The following GNAQ variants were observed in gnomAD, a reference collection of about 807,000 sequenced individuals.
GNAQ encodes guanine nucleotide-binding protein G(q) subunit alpha.
GNAQ carries 8 observed loss-of-function variants against 43.9 expected under a neutral mutation model. The ratio of observed to expected loss-of-function variants is 0.18; its 90% CI spans 0.11 to 0.33. The LOEUF (loss-of-function observed/expected upper bound fraction) is 0.33. GNAQ is among the 10% of genes least tolerant of loss of function. GNAQ has a pLI of 1.00. For missense variants in GNAQ, 158 were observed against 450.8 expected, an observed-to-expected ratio of 0.35 and a Z score of 5.88; for synonymous variants, 155 against 170.7, an observed-to-expected ratio of 0.91 and a Z score of 0.71.
At chr9:77,783,352 T>C (rs1826426133) in intron 5 of GNAQ, among the ~76,000 whole-genome samples, 1 of 152,248 alleles carries the variant, frequency 6.6e-6, no homozygotes, top group Non-Finnish European at 1.5e-5. Context: ...GTAATGACTG[T>C]ACATTTCTGT....
At chr9:77,938,093 A>G (rs1829259892) in intron 1 of GNAQ, among the ~76,000 whole-genome samples, 1 of 152,144 alleles carries the variant, frequency 6.6e-6, no homozygotes, top group African/African-American at 2.4e-5. Flanking sequence ...ATCTGCATAC[A>G]AACTACACAC....
chr9:77,868,994 AG>A (rs139874576), intron 2 of GNAQ, among the ~76,000 whole-genome samples: 2,468 of 152,060 alleles, frequency 0.016, 76 homozygotes, highest in African/African-American at 0.056. Context: ...CTTGCGGGGG[AG>A]GGGGGAAGAA....
chr9:78,022,410 G>GA (rs1174755449), intron 1 of GNAQ, among the ~76,000 whole-genome samples: 1 of 151,986 alleles, frequency 6.6e-6, no homozygotes, highest in African/African-American at 2.4e-5. Flanking sequence ...AGTTATGTGG[G>GA]AAAAAAAGAT....
chr9:78,031,051 T>C (rs765114254), intron 1 of GNAQ, 49 bp downstream of exon 1: 16 of 1,336,054 alleles, frequency 1.2e-5, no homozygotes, highest in Middle Eastern at 2.8e-4. Flanking sequence ...GGGCCAAGGA[T>C]GGTGGGCTGG....
At chr9:77,763,387 A>G (rs1175387572) in intron 5 of GNAQ, among the ~76,000 whole-genome samples, 1 of 152,156 alleles carries the variant, frequency 6.6e-6, no homozygotes, top group Non-Finnish European at 1.5e-5. Flanking sequence ...GCACTTTGGG[A>G]GATCAAGACT....
At chr9:77,964,918 T>A (rs1823147900) in intron 1 of GNAQ, among the ~76,000 whole-genome samples, 1 of 152,116 alleles carries the variant, frequency 6.6e-6, no homozygotes, top group African/African-American at 2.4e-5. Context: ...TACTGGGCTT[T>A]TACTCAATTA....
intron 5 of GNAQ, among the ~76,000 whole-genome samples, chr9:77,774,208 T>C (rs1188124389): frequency 6.6e-6 from 1 of 152,212 alleles, no homozygotes; most frequent in Non-Finnish European, 1.5e-5. Flanking sequence ...AGATAAATCT[T>C]GGTGTCATAA....
intron 1 of GNAQ, among the ~76,000 whole-genome samples, chr9:77,931,601 A>G (rs1051594130): frequency 3.9e-4 from 59 of 152,168 alleles, no homozygotes. Context: ...TCTCAAAAAA[A>G]AAAAAAGAAC....
chr9:77,791,056 T>A (rs151213280), intron 5 of GNAQ, among the ~76,000 whole-genome samples: 1 of 152,212 alleles, frequency 6.6e-6, no homozygotes, highest in African/African-American at 2.4e-5. Flanking sequence ...AAGGAGGGCC[T>A]AGGGTAGGGA....
At chr9:78,030,909 G>C (rs184548581) in intron 1 of GNAQ, among the ~76,000 whole-genome samples, 191 bp downstream of exon 1, 57 of 151,810 alleles carry the variant, frequency 3.8e-4, no homozygotes, top group Admixed American at 7.8e-4. Context: ...GTGTGTGTGT[G>C]TGTGTGTGTG....
intron 3 of GNAQ, among the ~76,000 whole-genome samples, chr9:77,804,082 T>C (rs1277688231): frequency 2.1e-5 from 3 of 142,434 alleles, no homozygotes; most frequent in African/African-American, 7.4e-5. Flanking sequence ...ATTCCAATTG[T>C]TCCTTAATTT....
intron 1 of GNAQ, among the ~76,000 whole-genome samples, chr9:78,025,188 A>G (rs1346589291): frequency 1.3e-5 from 2 of 152,232 alleles, no homozygotes; most frequent in Non-Finnish European, 2.9e-5. Context: ...AGATTTTTAC[A>G]TATCGGTAAT....
chr9:77,885,115 T>C (rs953457189), intron 2 of GNAQ, among the ~76,000 whole-genome samples: 1 of 152,304 alleles, frequency 6.6e-6, no homozygotes, highest in East Asian at 1.9e-4. Context: ...TTTAGAGATA[T>C]TTGTCCCATA....
chr9:77,859,121 G>A (rs1159933596), intron 2 of GNAQ, among the ~76,000 whole-genome samples: 1 of 152,062 alleles, frequency 6.6e-6, no homozygotes, highest in Non-Finnish European at 1.5e-5. Flanking sequence ...ATCGCCTGTG[G>A]GAGTACCAAT....
At chr9:77,853,282 C>T (rs149450149) in intron 2 of GNAQ, among the ~76,000 whole-genome samples, 2,390 of 152,130 alleles carry the variant, frequency 0.016, 23 homozygotes, top group Non-Finnish European at 0.025. Context: ...TTTTTAACTT[C>T]TTAGTTCCTC....
At chr9:77,969,902 A>T (rs1823214976) in intron 1 of GNAQ, among the ~76,000 whole-genome samples, 1 of 152,218 alleles carries the variant, frequency 6.6e-6, no homozygotes, top group Non-Finnish European at 1.5e-5. Flanking sequence ...CAAATTCTTC[A>T]TGAGCAACTT....
intron 5 of GNAQ, among the ~76,000 whole-genome samples, chr9:77,790,194 A>C (rs970835514): frequency 6.6e-6 from 1 of 152,200 alleles, no homozygotes; most frequent in Non-Finnish European, 1.5e-5. Context: ...ACGATCAGAG[A>C]CCAGATATCT....
intron 2 of GNAQ, among the ~76,000 whole-genome samples, chr9:77,816,249 C>T (rs1024626243): frequency 1.3e-5 from 2 of 152,118 alleles, no homozygotes; most frequent in Admixed American, 6.5e-5. Context: ...ATTAGCTTCT[C>T]TAGTTCACTT....
At chr9:78,023,730 T>TA (rs1035979186) in intron 1 of GNAQ, among the ~76,000 whole-genome samples, 9 of 150,424 alleles carry the variant, frequency 6.0e-5, no homozygotes, top group South Asian at 2.1e-4. Context: ...TGATGCTGAT[T>TA]AAAAAAAAAA....
Sources: gnomAD v4.1 joint callset for allele counts (sites outside exome capture counted in the v4.1 genomes callset) on GRCh38, gnomAD v4.1.1 for gene constraint, MANE v1.5 for transcripts, NCBI Gene and HGNC (gene_info 2026-07-23, HGNC 2026-07-21) for gene names.